The following RAD54B variants were observed in gnomAD, a reference collection of about 807,000 sequenced individuals.
RAD54B encodes the protein RAD54 homolog B.
RAD54B carries 78 observed loss-of-function variants against 95.8 expected under a neutral mutation model. The observed-to-expected ratio is 0.81, with a 90% CI of 0.68 to 0.98. RAD54B has a LOEUF of 0.98. Among genes scored for constraint, RAD54B ranks in the 50% least tolerant of loss-of-function variants. RAD54B has a pLI of 0.00. For missense variants in RAD54B, 957 were observed against 1,056.6 expected (o/e 0.91, Z 1.31); for synonymous variants, 328 against 354.9 (o/e 0.92, Z 0.85).
intron 13 of RAD54B, 83 bp from the exon 14 acceptor site, chr8:94,378,463 G>A: frequency 1.4e-6 from 2 of 1,427,206 alleles, no homozygotes; most frequent in Non-Finnish European, 9.6e-7. Context: ...TAACATACTA[G>A]TTAATAAAAT....
chr8:94,463,893 CAAAA>C (rs553168595), intron 2 of RAD54B, among the ~76,000 whole-genome samples: 5 of 90,968 alleles, frequency 5.5e-5, no homozygotes, highest in Non-Finnish European at 6.6e-5. Context: ...GACCCTATCT[CAAAA>C]AAAAAAAAAA....
At chr8:94,409,378 C>T (rs1563645889) in intron 4 of RAD54B, among the ~76,000 whole-genome samples, 2 of 144,214 alleles carry the variant, frequency 1.4e-5, no homozygotes, top group Non-Finnish European at 3.1e-5. Flanking sequence ...CTTTTTCTTT[C>T]TTTTTTTTTT....
chr8:94,441,014 G>A (rs1018841204), intron 3 of RAD54B, among the ~76,000 whole-genome samples: 5 of 152,250 alleles, frequency 3.3e-5, no homozygotes, highest in South Asian at 2.1e-4. Context: ...CTTAGAACCC[G>A]ATGTTACCCA....
chr8:94,453,821 G>C lies in RAD54B; in HGVS notation c.304+4447C>G, dbSNP rs117421187. Among the ~76,000 whole-genome samples the C allele has an allele frequency of 4.4e-3, 668 of 152,112 alleles. 3 individuals carry two copies. Among genetic ancestry groups the C allele is most frequent in the Non-Finnish European group, 7.3e-3 (498 of 67,968 alleles). ...GTTTGTTTGTTTGAGATGGAGTTTTGCTCTTTTTTGTCCAGGCTGGAGTGC... is the reference window on the plus strand; with the variant it reads ...GTTTGTTTGTTTGAGATGGAGTTTTCCTCTTTTTTGTCCAGGCTGGAGTGC... On this transcript the variant is annotated intron_variant, in intron 3 of 14. Coordinates refer to ENST00000336148, the MANE Select transcript of RAD54B (RefSeq NM_012415.3).
intron 12 of RAD54B, 133 bp downstream of exon 12, chr8:94,380,012 A>C: frequency 1.0e-6 from 1 of 959,760 alleles, no homozygotes; most frequent in Non-Finnish European, 1.5e-6. Context: ...GAAAGCACTT[A>C]GGAGAGTGCC....
rs1426737449 is a variant in RAD54B at position 94,467,519 on chromosome 8, T to C, written c.21A>G (p.Pro7=). Residue 7 remains proline (P), a synonymous_variant, in exon 2 of 15, where the codon CCA becomes CCG. Coordinates refer to ENST00000336148, the MANE Select transcript of RAD54B (RefSeq NM_012415.3). MRRSAA[P]SQLQGNSFKK... is the part of the protein sequence containing the mutation. Reference sequence around the variant, plus strand: ...TGAAGGAATTCCCCTGCAACTGACTTGGTGCTGCAGATCGTCTCATATTCA... The same window carrying C: ...TGAAGGAATTCCCCTGCAACTGACTCGGTGCTGCAGATCGTCTCATATTCA... The C allele has an allele frequency of 6.2e-7, 1 of 1,613,328 alleles. No homozygotes were observed. Among genetic ancestry groups the C allele is most frequent in the Non-Finnish European group, 8.5e-7 (1 of 1,179,992 alleles).
At chr8:94,398,457 A>T (rs1281054111) in intron 8 of RAD54B, among the ~76,000 whole-genome samples, 1 of 151,984 alleles carries the variant, frequency 6.6e-6, no homozygotes, top group Non-Finnish European at 1.5e-5. Context: ...TCAGTATAGG[A>T]AGGAGGTACA....
chr8:94,394,293 T>C (rs1435274202), intron 8 of RAD54B, among the ~76,000 whole-genome samples: 1 of 152,212 alleles, frequency 6.6e-6, no homozygotes, highest in Non-Finnish European at 1.5e-5. Flanking sequence ...TCAATCCATA[T>C]AATATACTTT....
intron 3 of RAD54B, chr8:94,431,987 A>T (rs1240044019): frequency 7.6e-7 from 1 of 1,308,706 alleles, no homozygotes; most frequent in African/African-American, 1.5e-5. Flanking sequence ...AAAGAAAATA[A>T]TTAGAAAATT....
At chr8:94,409,411 C>A (rs767823045) in intron 4 of RAD54B, among the ~76,000 whole-genome samples, 1 of 151,690 alleles carries the variant, frequency 6.6e-6, no homozygotes, top group African/African-American at 2.4e-5. Flanking sequence ...GTCTCTCCAG[C>A]CCAGGCTGGA....
chr8:94,393,635 T>G, intron 9 of RAD54B, 108 bp downstream of exon 9: 2 of 1,069,082 alleles, frequency 1.9e-6, no homozygotes, highest in South Asian at 3.2e-5. Context: ...TGGAGAAAAA[T>G]AAAGAGTTCA....
At chr8:94,375,536 G>C (rs562085082) in intron 14 of RAD54B, among the ~76,000 whole-genome samples, 3 of 152,316 alleles carry the variant, frequency 2.0e-5, no homozygotes, top group African/African-American at 7.2e-5. Context: ...CCCCAGCTAT[G>C]TGGAACTGTG....
intron 3 of RAD54B, among the ~76,000 whole-genome samples, chr8:94,422,650 A>ATATG (rs1811850379): frequency 1.6e-5 from 2 of 122,888 alleles, no homozygotes; most frequent in South Asian, 5.3e-4. Flanking sequence ...ATATATATAT[A>ATATG]TATAAAATTA....
At chr8:94,379,821 T>C (rs1179647612) in intron 12 of RAD54B, among the ~76,000 whole-genome samples, 2 of 152,246 alleles carry the variant, frequency 1.3e-5, no homozygotes, top group Non-Finnish European at 2.9e-5. Context: ...CTGATGGTCA[T>C]GAACACCCTA....
intron 3 of RAD54B, among the ~76,000 whole-genome samples, chr8:94,454,432 T>C (rs1376873970): frequency 6.6e-6 from 1 of 152,236 alleles, no homozygotes; most frequent in Non-Finnish European, 1.5e-5. Context: ...TTGTATGTTA[T>C]GTATATTTTA....
chr8:94,440,879 T>C (rs1464175473), intron 3 of RAD54B, among the ~76,000 whole-genome samples: 1 of 152,232 alleles, frequency 6.6e-6, no homozygotes, highest in Non-Finnish European at 1.5e-5. Context: ...TATTGTTTTA[T>C]ACTCAGTACC....
chr8:94,388,872 G>C (rs891990114), intron 10 of RAD54B, among the ~76,000 whole-genome samples: 1 of 152,148 alleles, frequency 6.6e-6, no homozygotes, highest in Non-Finnish European at 1.5e-5. Context: ...CAGGCCCAGG[G>C]TCTAGTATAC....
At chr8:94,416,749 G>A (rs1047676323) in intron 3 of RAD54B, among the ~76,000 whole-genome samples, 1 of 152,150 alleles carries the variant, frequency 6.6e-6, no homozygotes, top group Non-Finnish European at 1.5e-5. Context: ...TGATGCGTAT[G>A]TGGAGAAATC....
intron 11 of RAD54B, among the ~76,000 whole-genome samples, chr8:94,382,586 G>A (rs1563635665): frequency 6.6e-6 from 1 of 152,098 alleles, no homozygotes; most frequent in African/African-American, 2.4e-5. Flanking sequence ...CACAGAAGAG[G>A]AAAAAAATGA....
Sources: gnomAD v4.1 joint callset for allele counts (sites outside exome capture counted in the v4.1 genomes callset) on GRCh38, gnomAD v4.1.1 for gene constraint, MANE v1.5 for transcripts, NCBI Gene and HGNC (gene_info 2026-07-23, HGNC 2026-07-21) for gene names.